The following FHIT variants were observed in gnomAD, a reference collection of about 807,000 sequenced individuals.
FHIT encodes the protein bis(5'-adenosyl)-triphosphatase.
A neutral mutation model predicts 17.9 loss-of-function variants in FHIT; 19 were observed. That is an observed-to-expected ratio of 1.06 (90% confidence interval 0.74 to 1.56). The LOEUF (loss-of-function observed/expected upper bound fraction) is 1.56. Among genes scored for constraint, FHIT ranks in the 40% most tolerant of loss-of-function variants. FHIT has a pLI of 0.00. For missense variants in FHIT, 248 were observed against 189.2 expected, an observed-to-expected ratio of 1.31 and a Z score of -1.82; for synonymous variants, 81 against 69.7, an observed-to-expected ratio of 1.16 and a Z score of -0.81.
chr3:60,124,007 TATAGAGAGAGAG>T (rs1559653719), intron 5 of FHIT, among the ~76,000 whole-genome samples: 16 of 17,764 alleles, frequency 9.0e-4, no homozygotes, highest in Non-Finnish European at 1.5e-3. Flanking sequence ...TATATATATA[TATAGAGAGAGAG>T]AGAGAGAGAG....
chr3:60,906,598 T>C (rs958894138), intron 3 of FHIT, among the ~76,000 whole-genome samples: 2 of 152,204 alleles, frequency 1.3e-5, no homozygotes, highest in South Asian at 4.1e-4. Context: ...CATCTTTTTT[T>C]ACTCCAGGAC....
intron 5 of FHIT, among the ~76,000 whole-genome samples, chr3:60,015,022 AT>A (rs1326303394): frequency 1.1e-4 from 16 of 152,244 alleles, no homozygotes; most frequent in Non-Finnish European, 1.8e-4. Flanking sequence ...ACATGTGTAT[AT>A]ACACACACTA....
chr3:60,626,681 C>CT (rs2039296025), intron 4 of FHIT, among the ~76,000 whole-genome samples: 1 of 150,478 alleles, frequency 6.6e-6, no homozygotes, highest in Non-Finnish European at 1.5e-5. Flanking sequence ...AATGCAGTTT[C>CT]TTTTTCTTGC....
chr3:61,217,033 T>C (rs2106803454), intron 1 of FHIT, among the ~76,000 whole-genome samples: 1 of 151,946 alleles, frequency 6.6e-6, no homozygotes. Context: ...TTAGGAGATA[T>C]GCCTAATGCT....
At chr3:60,233,562 T>C (rs998117488) in intron 5 of FHIT, among the ~76,000 whole-genome samples, 1 of 151,930 alleles carries the variant, frequency 6.6e-6, no homozygotes, top group Admixed American at 6.6e-5. Flanking sequence ...CTTACCACTC[T>C]ACCTATTTTC....
intron 5 of FHIT, among the ~76,000 whole-genome samples, chr3:60,128,792 G>A (rs868267739): frequency 1.3e-5 from 2 of 152,144 alleles, no homozygotes; most frequent in African/African-American, 4.8e-5. Context: ...AATGAACACT[G>A]CACAGGTGAA....
At chr3:60,660,122 A>G (rs1217089788) in intron 4 of FHIT, among the ~76,000 whole-genome samples, 1 of 152,174 alleles carries the variant, frequency 6.6e-6, no homozygotes, top group Non-Finnish European at 1.5e-5. Context: ...TCCAAACACA[A>G]AAGGGGAAAA....
intron 7 of FHIT, among the ~76,000 whole-genome samples, chr3:59,994,673 A>T (rs964746704): frequency 6.6e-6 from 1 of 152,196 alleles, no homozygotes; most frequent in South Asian, 2.1e-4. Context: ...TTCTATTTGC[A>T]AGTAAAATGA....
chr3:61,103,073 C>A (rs184997436), intron 2 of FHIT, among the ~76,000 whole-genome samples: 31 of 152,040 alleles, frequency 2.0e-4, no homozygotes, highest in Admixed American at 5.2e-4. Context: ...CTCTGATCTT[C>A]GTTATTTCTT....
chr3:59,847,510 G>A (rs752501981), intron 8 of FHIT, among the ~76,000 whole-genome samples: 3 of 151,924 alleles, frequency 2.0e-5, no homozygotes, highest in Admixed American at 6.6e-5. Context: ...TATTCCTTTA[G>A]TTTTTTTGAT....
At chr3:59,750,602 G>C (rs1238546906) in intron 9 of FHIT, 1 of 224,730 alleles carries the variant, frequency 4.4e-6, no homozygotes, top group Non-Finnish European at 8.9e-6. Context: ...CCAGGCAACT[G>C]AGTGCAGAGC....
chr3:59,809,357 C>T (rs1332312063), intron 8 of FHIT, among the ~76,000 whole-genome samples: 10 of 152,286 alleles, frequency 6.6e-5, no homozygotes, highest in East Asian at 3.9e-4. Context: ...CCAAAGATTG[C>T]GGAAAGGAAG....
chr3:60,104,673 G>C (rs77912332), intron 5 of FHIT, among the ~76,000 whole-genome samples: 80 of 152,158 alleles, frequency 5.3e-4, no homozygotes, highest in African/African-American at 1.8e-3. Flanking sequence ...TGGCCTTAGA[G>C]AAGGTGAGAT....
chr3:60,407,526 T>A (rs1036949634), intron 5 of FHIT, among the ~76,000 whole-genome samples: 4 of 152,194 alleles, frequency 2.6e-5, no homozygotes, highest in Admixed American at 6.6e-5. Flanking sequence ...CTATATTTTT[T>A]AAATTTTATT....
chr3:60,373,591 A>G (rs963283679), intron 5 of FHIT, among the ~76,000 whole-genome samples: 1 of 152,106 alleles, frequency 6.6e-6, no homozygotes, highest in African/African-American at 2.4e-5. Flanking sequence ...TGAGTGTATA[A>G]GCCGTCTCCC....
At chr3:61,113,536 G>A (rs1410929146) in intron 2 of FHIT, among the ~76,000 whole-genome samples, 2 of 152,154 alleles carry the variant, frequency 1.3e-5, no homozygotes, top group African/African-American at 2.4e-5. Flanking sequence ...GCACCATGCT[G>A]AGAGCTTTGT....
intron 5 of FHIT, among the ~76,000 whole-genome samples, chr3:60,208,347 A>G (rs17395220): frequency 0.17 from 26,252 of 151,840 alleles, 2,357 homozygotes; most frequent in East Asian, 0.27. Flanking sequence ...AATCAGAGGT[A>G]GGCAAAGTGT....
chr3:59,782,743 C>T (rs1702651425), intron 8 of FHIT, among the ~76,000 whole-genome samples: 1 of 152,136 alleles, frequency 6.6e-6, no homozygotes, highest in African/African-American at 2.4e-5. Context: ...GTCTCACAAA[C>T]AGACTCCAAG....
At chr3:60,231,320 C>G (rs140136188) in intron 5 of FHIT, among the ~76,000 whole-genome samples, 2 of 152,184 alleles carry the variant, frequency 1.3e-5, no homozygotes, top group African/African-American at 4.8e-5. Context: ...TTAAGTATAA[C>G]TGACACACAT....
Sources: allele counts gnomAD v4.1 joint callset (sites outside exome capture counted in the v4.1 genomes callset), GRCh38; gene constraint gnomAD v4.1.1; transcripts MANE v1.5; gene names NCBI Gene and HGNC (gene_info 2026-07-23, HGNC 2026-07-21).